PTPRD: variants seen among roughly 807,000 people sequenced by gnomAD.
PTPRD encodes the protein protein tyrosine phosphatase receptor type D.
Under a neutral mutation model 214.5 loss-of-function variants are expected in PTPRD, and 34 were observed. The ratio of observed to expected loss-of-function variants is 0.16; its 90% CI spans 0.12 to 0.21. The LOEUF is 0.21. Ranked by LOEUF, PTPRD falls within the 10% of genes least tolerant of loss-of-function variation. The pLI is 1.00. For synonymous variants in PTPRD, 1,128 were observed against 845.7 expected, an observed-to-expected ratio of 1.33 and a Z score of -5.79; for missense variants, 2,545 against 2,398.7, an observed-to-expected ratio of 1.06 and a Z score of -1.27.
intron 3 of PTPRD, among the ~76,000 whole-genome samples, chr9:10,194,699 G>A (rs2099390582): frequency 6.6e-6 from 1 of 151,716 alleles, no homozygotes; most frequent in African/African-American, 2.4e-5. Context: ...TGGTTACAAT[G>A]TTCAAAGAAC....
intron 39 of PTPRD, among the ~76,000 whole-genome samples, chr9:8,357,894 A>G (rs1390107379): frequency 1.3e-5 from 2 of 152,218 alleles, no homozygotes; most frequent in Non-Finnish European, 2.9e-5. Context: ...AGGGTTTGGT[A>G]TCCACAAAAT....
At chr9:8,773,194 T>G (rs1381427810) in intron 11 of PTPRD, among the ~76,000 whole-genome samples, 1 of 152,168 alleles carries the variant, frequency 6.6e-6, no homozygotes, top group East Asian at 1.9e-4. Context: ...TTTGTTCACA[T>G]GCATTTGCTG....
intron 11 of PTPRD, among the ~76,000 whole-genome samples, chr9:8,812,637 T>C (rs569257948): frequency 1.4e-3 from 212 of 152,168 alleles, no homozygotes; most frequent in Non-Finnish European, 2.6e-3. Context: ...TTCCAATCTT[T>C]AGTCCATGTT....
At chr9:9,213,190 C>T (rs1424356823) in intron 9 of PTPRD, among the ~76,000 whole-genome samples, 1 of 152,090 alleles carries the variant, frequency 6.6e-6, no homozygotes, top group Non-Finnish European at 1.5e-5. Flanking sequence ...GTTTCAAGAT[C>T]TTGTTGCAGA....
Position 10,270,051 on chromosome 9 carries a change from T to G in PTPRD, c.-545+70912A>C, listed in dbSNP as rs372370149. On this transcript the variant is annotated intron_variant, in intron 3 of 45. Coordinates refer to ENST00000381196, the MANE Select transcript of PTPRD (RefSeq NM_002839.4). Reference sequence around the variant, plus strand: ...CTACATAATTAGCTGATAATGAGATTAAAAGTTGAGTCCTGTTCAGTAGTA... The same window carrying G: ...CTACATAATTAGCTGATAATGAGATGAAAAGTTGAGTCCTGTTCAGTAGTA... 7.2e-5 allele frequency among the ~76,000 whole-genome samples: 11 copies of G among 152,176 alleles called. No homozygotes were observed. In the South Asian group the frequency reaches 8.3e-4, roughly 11 times the overall value.
intron 7 of PTPRD, among the ~76,000 whole-genome samples, chr9:9,695,081 A>G (rs2097346745): frequency 6.6e-6 from 1 of 152,094 alleles, no homozygotes; most frequent in African/African-American, 2.4e-5. Flanking sequence ...TCTCCTCCAC[A>G]TTCAACACAT....
rs1354816947 is a variant in PTPRD, at chr9:9,481,939, T to C, written c.-236-84457A>G. Among the ~76,000 whole-genome samples, 4 of 152,264 alleles carry C rather than the reference T, an allele frequency of 2.6e-5. No individual in the cohort carries two copies. The East Asian group carries it at 5.8e-4, about 22-fold the overall frequency. The stretch of plus-strand genomic sequence containing the variant: ...TCTTAATAGATAAAAATTAATAAAA[T>C]CAAATCTGCTTGAATTATCACAGGT... On this transcript the variant is annotated intron_variant, in intron 8 of 45. Transcript: ENST00000381196.
chr9:9,581,632 T>A (rs2090802677), intron 7 of PTPRD, among the ~76,000 whole-genome samples: 1 of 152,066 alleles, frequency 6.6e-6, no homozygotes, highest in African/African-American at 2.4e-5. Context: ...GGATAGACCC[T>A]TGGGAAAAAA....
At chr9:9,289,542 T>C (rs998876298) in intron 9 of PTPRD, among the ~76,000 whole-genome samples, 3 of 151,844 alleles carry the variant, frequency 2.0e-5, no homozygotes. Context: ...TAATTAACTA[T>C]ATTCATCATA....
At chr9:8,769,033 C>A (rs1465006395) in intron 11 of PTPRD, among the ~76,000 whole-genome samples, 1 of 152,118 alleles carries the variant, frequency 6.6e-6, no homozygotes, top group Non-Finnish European at 1.5e-5. Flanking sequence ...CCAAAAGCAA[C>A]CCACCTAATT....
chr9:9,576,939 G>T (rs2089055962), intron 7 of PTPRD, among the ~76,000 whole-genome samples: 1 of 151,978 alleles, frequency 6.6e-6, no homozygotes, highest in Non-Finnish European at 1.5e-5. Context: ...ATGTCCTTTT[G>T]TTCTATCTAG....
chr9:10,513,622 T>G (rs887409028), intron 2 of PTPRD, among the ~76,000 whole-genome samples: 1 of 152,172 alleles, frequency 6.6e-6, no homozygotes, highest in African/African-American at 2.4e-5. Context: ...AAGTTGGGCA[T>G]GTCCAAGTGA....
chr9:9,917,419 A>T (rs1385859843), intron 5 of PTPRD, among the ~76,000 whole-genome samples: 1 of 145,902 alleles, frequency 6.9e-6, no homozygotes, highest in Admixed American at 7.1e-5. Context: ...GAACAACTAC[A>T]CTCCAATACA....
intron 3 of PTPRD, among the ~76,000 whole-genome samples, chr9:10,159,082 C>G (rs1480303155): frequency 6.6e-6 from 1 of 151,990 alleles, no homozygotes; most frequent in African/African-American, 2.4e-5. Context: ...TTGGAATATC[C>G]CCCATTCCAG....
chr9:9,570,225 A>G (rs1161717656), intron 8 of PTPRD, among the ~76,000 whole-genome samples: 1 of 151,444 alleles, frequency 6.6e-6, no homozygotes, highest in Non-Finnish European at 1.5e-5. Context: ...TATTATTTGG[A>G]CTTCAAACGG....
At chr9:8,469,033 A>G (rs1290969518) in intron 31 of PTPRD, among the ~76,000 whole-genome samples, 1 of 152,002 alleles carries the variant, frequency 6.6e-6, no homozygotes, top group African/African-American at 2.4e-5. Context: ...TCTCAATTAT[A>G]TCAGTAAGAA....
At chr9:10,261,977 G>A (rs1384070724) in intron 3 of PTPRD, among the ~76,000 whole-genome samples, 1 of 152,026 alleles carries the variant, frequency 6.6e-6, no homozygotes, top group East Asian at 1.9e-4. Flanking sequence ...GAATTAATAT[G>A]TCCAACAAAT....
At chr9:9,491,642 G>A (rs1243801843) in intron 8 of PTPRD, among the ~76,000 whole-genome samples, 4 of 151,848 alleles carry the variant, frequency 2.6e-5, no homozygotes, top group African/African-American at 7.2e-5. Flanking sequence ...AAGTAAAACT[G>A]GAAAAGCCAC....
rs566934940 is a variant in PTPRD, at chr9:9,792,029, T to C, written c.-367-25178A>G. ...AAAGCAAATAAAAACTTAAGTCTTATCATTTTAAATATTATAATCGAATGG... is the reference window on the plus strand; with the variant it reads ...AAAGCAAATAAAAACTTAAGTCTTACCATTTTAAATATTATAATCGAATGG... On this transcript the variant is annotated intron_variant, in intron 5 of 45. Coordinates refer to ENST00000381196, the MANE Select transcript of PTPRD (RefSeq NM_002839.4). Among the ~76,000 whole-genome samples, 5 of 152,292 alleles carry C rather than the reference T, an allele frequency of 3.3e-5. No homozygotes were observed. In the South Asian group the frequency reaches 1.0e-3, roughly 32 times the overall value.
Sources: allele counts gnomAD v4.1 joint callset (sites outside exome capture counted in the v4.1 genomes callset), GRCh38; gene constraint gnomAD v4.1.1; transcripts MANE v1.5; gene names NCBI Gene and HGNC (gene_info 2026-07-23, HGNC 2026-07-21).